Variants in DHTKD1 observed in about 807,000 individuals in gnomAD.
DHTKD1 encodes the protein dehydrogenase E1 and transketolase domain containing 1, also known as 2-oxoadipate dehydrogenase complex component E1.
In DHTKD1, 78 loss-of-function variants were observed where a neutral mutation model predicts 101.8. The observed-to-expected ratio is 0.77, with a 90% CI of 0.64 to 0.93. The LOEUF (loss-of-function observed/expected upper bound fraction) is 0.93, where lower values mean the gene tolerates loss of function less well. Ranked by LOEUF, DHTKD1 falls within the 40% of genes least tolerant of loss-of-function variation. The pLI is 0.00. For missense variants in DHTKD1, 1,223 were observed against 1,161.7 expected (o/e 1.05, Z -0.77); for synonymous variants, 462 against 450.3 (o/e 1.03, Z -0.33).
chr10:12,084,538 A>C lies in DHTKD1; in HGVS notation c.311-2A>C. 1 of 1,581,116 alleles carries C rather than the reference A, an allele frequency of 6.3e-7. No homozygotes were observed. Among genetic ancestry groups the C allele is most frequent in the Non-Finnish European group, 8.7e-7 (1 of 1,150,202 alleles). On this transcript the variant is annotated splice_acceptor_variant, in intron 2 of 16. Coordinates refer to ENST00000263035, the MANE Select transcript of DHTKD1 (RefSeq NM_018706.7). LOFTEE classifies it high-confidence loss of function. ...GATGACCCCTTTGATTGTATTTCAC[A>C]GGATTATTGAACATGGGGAAGGAAG...
chr10:12,121,107 C>G lies in DHTKD1; in HGVS notation c.*219C>G. Reference sequence around the variant, plus strand: ...TGGTGGTGGGCACCTGTGATCCCAGCTTCCTGGGAGGCTGAGGCAAGAGAA... The same window carrying G: ...TGGTGGTGGGCACCTGTGATCCCAGGTTCCTGGGAGGCTGAGGCAAGAGAA... On this transcript the variant is annotated 3_prime_UTR_variant, in exon 17 of 17. Coordinates refer to ENST00000263035, the MANE Select transcript of DHTKD1 (RefSeq NM_018706.7). The G allele has an allele frequency of 2.5e-6, 1 of 407,552 alleles. No individual in the cohort carries two copies. The allele number at this position is 407,552 out of a possible 1,614,324, so 25.2% of individuals were successfully genotyped here.
At chr10:12,078,335 G>T (rs1360562350) in intron 1 of DHTKD1, among the ~76,000 whole-genome samples, 1 of 151,946 alleles carries the variant, frequency 6.6e-6, no homozygotes, top group Non-Finnish European at 1.5e-5. Flanking sequence ...TGAGATGGGA[G>T]AATTGCCTGA....
chr10:12,071,199 C>T (rs951180782), intron 1 of DHTKD1, among the ~76,000 whole-genome samples: 5 of 152,154 alleles, frequency 3.3e-5, no homozygotes, highest in African/African-American at 1.2e-4. Flanking sequence ...CTTCCCCTTA[C>T]GGTCATGACC....
At position 12,110,255 on chromosome 10, in the gene DHTKD1, G is replaced by A. The variant is rs185095287; in HGVS notation, c.2154+2240G>A. 4.6e-5 allele frequency among the ~76,000 whole-genome samples: 7 copies of A among 152,062 alleles called. No homozygotes were observed. The highest frequency in any genetic ancestry group is 8.8e-5 in the Non-Finnish European group (6 of 68,016). On this transcript the variant is annotated intron_variant, in intron 12 of 16. Transcript: ENST00000263035. The surrounding 1 kb of genome is among the most constrained non-coding windows in gnomAD (Gnocchi z 4.9). The stretch of plus-strand genomic sequence containing the variant: ...GGAGCTTGCAGTGAGCTGAGATTGC[G>A]CCATGCACTCCAGCCTGGGTGACAG...
chr10:12,100,156 T>C (rs1833136959), intron 8 of DHTKD1, 22 bp from the exon 9 acceptor site: 1 of 1,463,518 alleles, frequency 6.8e-7, no homozygotes, highest in Non-Finnish European at 9.3e-7. Flanking sequence ...GTTCCTTTTT[T>C]TTCTTCCTCT....
At chr10:12,090,804 A>G (rs1227487065) in intron 5 of DHTKD1, among the ~76,000 whole-genome samples, 2 of 152,160 alleles carry the variant, frequency 1.3e-5, no homozygotes, top group African/African-American at 4.8e-5. Context: ...GTGTTTCTAA[A>G]TAGAAATCTT....
At position 12,069,033 on chromosome 10, in the gene DHTKD1, C is replaced by T; in HGVS notation, c.-1C>T. 1 of 1,613,262 alleles carries T rather than the reference C, an allele frequency of 6.2e-7. No homozygotes were observed. The highest frequency in any genetic ancestry group is 8.5e-7 in the Non-Finnish European group (1 of 1,179,632). On this transcript the variant is annotated 5_prime_UTR_variant, in exon 1 of 17. Coordinates refer to ENST00000263035, the MANE Select transcript of DHTKD1 (RefSeq NM_018706.7). ...CATGCTGGCCGGGACATCTGGTGAA[C>T]ATGGCCTCTGCTACTGCGGCAGCAG... is the stretch of plus-strand genomic sequence containing the variant.
At chr10:12,116,416 T>G (rs1261989643) in intron 13 of DHTKD1, 1 of 151,892 alleles carries the variant, frequency 6.6e-6, no homozygotes, top group African/African-American at 2.4e-5. Flanking sequence ...TTTCTTGAGA[T>G]GGAGTTTCCT....
At chr10:12,104,529 A>T (rs760253068) in intron 10 of DHTKD1, among the ~76,000 whole-genome samples, 4 of 152,130 alleles carry the variant, frequency 2.6e-5, no homozygotes, top group African/African-American at 9.7e-5. Context: ...TTAAACATAT[A>T]TTTTTTTAAA....
Position 12,122,899 on chromosome 10 carries a change from A to C in DHTKD1, c.*2011A>C, listed in dbSNP as rs1468496598. 6.6e-6 allele frequency: 1 copy of C among 152,260 alleles called. No homozygotes were observed. The highest frequency in any genetic ancestry group is 1.5e-5 in the Non-Finnish European group (1 of 68,060). The allele number at this position is 152,260 out of a possible 1,614,324, so 9.4% of individuals were successfully genotyped here. A position where few individuals can be genotyped will look rare whatever the true frequency, so the allele number is the denominator to read the frequency against. On this transcript the variant is annotated 3_prime_UTR_variant, in exon 17 of 17. Coordinates refer to ENST00000263035, the MANE Select transcript of DHTKD1 (RefSeq NM_018706.7). The stretch of plus-strand genomic sequence containing the variant: ...AGTACCAGGGGACTGGCAGAAGCCC[A>C]GGCCCTCTCTACTTTTACCAGCAAC...
At chr10:12,076,817 C>T (rs964628142) in intron 1 of DHTKD1, among the ~76,000 whole-genome samples, 5 of 151,840 alleles carry the variant, frequency 3.3e-5, no homozygotes, top group Non-Finnish European at 5.9e-5. Context: ...CGCCACCACG[C>T]CCGGCTAATT....
intron 4 of DHTKD1, among the ~76,000 whole-genome samples, chr10:12,088,645 G>A (rs542507859): frequency 1.7e-4 from 26 of 152,068 alleles, no homozygotes; most frequent in African/African-American, 5.1e-4. Context: ...GTGCAGTGGC[G>A]TGATCTCGGC....
At chr10:12,086,484 G>A (rs538830436) in intron 3 of DHTKD1, among the ~76,000 whole-genome samples, 110 of 151,852 alleles carry the variant, frequency 7.2e-4, no homozygotes, top group African/African-American at 2.7e-3. Flanking sequence ...CTTCCAAAGT[G>A]CTGGGATTAC....
chr10:12,111,131 A>G (rs1175318661), intron 12 of DHTKD1, among the ~76,000 whole-genome samples: 1 of 151,428 alleles, frequency 6.6e-6, no homozygotes, highest in Non-Finnish European at 1.5e-5. Context: ...ATGAGACAGT[A>G]GCTGGTGGGA....
chr10:12,104,880 T>TC (rs974678311), intron 10 of DHTKD1, among the ~76,000 whole-genome samples: 2 of 139,394 alleles, frequency 1.4e-5, no homozygotes, highest in African/African-American at 5.3e-5. Context: ...AATTTTTTTT[T>TC]CTTTTTTTTT....
intron 2 of DHTKD1, among the ~76,000 whole-genome samples, chr10:12,083,500 C>T (rs140699474): frequency 2.7e-3 from 405 of 152,134 alleles, no homozygotes; most frequent in Middle Eastern, 0.014. Context: ...TTGGAGAGGC[C>T]GAGGCAAGAG....
intron 9 of DHTKD1, among the ~76,000 whole-genome samples, chr10:12,100,475 G>C (rs1421295844): frequency 1.3e-5 from 2 of 151,268 alleles, no homozygotes; most frequent in Middle Eastern, 6.9e-3. Flanking sequence ...ATGTTGGTCA[G>C]GCTGGTCTCG....
intron 1 of DHTKD1, among the ~76,000 whole-genome samples, chr10:12,081,028 C>T (rs868148759): frequency 7.9e-5 from 12 of 151,750 alleles, no homozygotes; most frequent in South Asian, 2.1e-4. Context: ...TGGCCGGGTG[C>T]GGTGGCTCAC....
intron 1 of DHTKD1, among the ~76,000 whole-genome samples, chr10:12,077,168 C>T (rs1832746143): frequency 6.7e-6 from 1 of 150,262 alleles, no homozygotes; most frequent in African/African-American, 2.4e-5. Context: ...CTCATATGTA[C>T]ATACACAGTG....
Sources: allele counts gnomAD v4.1 joint callset (sites outside exome capture counted in the v4.1 genomes callset), GRCh38; gene constraint gnomAD v4.1.1; non-coding constraint Gnocchi (gnomAD v3.1); transcripts MANE v1.5; gene names NCBI Gene and HGNC (gene_info 2026-07-23, HGNC 2026-07-21).